The following TCL1A variants were observed in gnomAD, a reference collection of about 807,000 sequenced individuals.
TCL1A encodes TCL1 family AKT coactivator A.
In TCL1A, 9 loss-of-function variants were observed where a neutral mutation model predicts 16.9. The observed-to-expected ratio is 0.53, with a 90% CI of 0.32 to 0.93. TCL1A has a LOEUF of 0.93. Among genes scored for constraint, TCL1A ranks in the 40% least tolerant of loss-of-function variants. The probability of loss-of-function intolerance (pLI) is 0.04; values close to 1 mark genes in which losing one functional copy is unlikely to be tolerated. For missense variants in TCL1A, 139 were observed against 153.0 expected (o/e 0.91, Z 0.48); for synonymous variants, 69 against 63.2 (o/e 1.09, Z -0.44).
rs766302311 is a variant in TCL1A, at chr14:95,714,115, G to A, written c.-49C>T. On this transcript the variant is annotated 5_prime_UTR_variant, in exon 1 of 4. Transcript: ENST00000402399. ...GCAAGAGCCAGAGCCTCTCAAGGCCGCTCGCTGGTCCCTGGGATGTGGGGC... is the reference window on the plus strand; with the variant it reads ...GCAAGAGCCAGAGCCTCTCAAGGCCACTCGCTGGTCCCTGGGATGTGGGGC... 2.5e-6 allele frequency: 4 copies of A among 1,603,766 alleles called. No homozygotes were observed. Among genetic ancestry groups the A allele is most frequent in the Non-Finnish European group, 2.5e-6 (3 of 1,176,752 alleles).
chr14:95,712,124 G>C, intron 2 of TCL1A, 96 bp downstream of exon 2: 1 of 1,428,674 alleles, frequency 7.0e-7, no homozygotes, highest in African/African-American at 1.4e-5. Flanking sequence ...TAATGCTTTT[G>C]GGACTGGGAT....
rs1886330217 is a variant in TCL1A at position 95,710,893 on chromosome 14, CA to C, written c.*7-13del. ...GGTGCTGCCAAGACCTGGAGAAGGA[CA>C]AAAGAAGACAGAATCAAGGGTGAAG... On this transcript the variant is annotated splice_polypyrimidine_tract_variant and intron_variant, in intron 3 of 3. Transcript: ENST00000402399. The C allele has an allele frequency of 6.5e-6, 1 of 152,954 alleles. No individual in the cohort carries two copies. The highest frequency in any genetic ancestry group is 2.4e-5 in the African/African-American group (1 of 41,450). 9.5% of individuals were successfully genotyped at this position (152,954 alleles called of 1,614,324 possible). A position where few individuals can be genotyped will look rare whatever the true frequency, so the allele number is the denominator to read the frequency against.
Position 95,714,024 on chromosome 14 carries a change from G to A in TCL1A, c.43C>T (p.Pro15Ser). 1 of 1,614,120 alleles carries A rather than the reference G, an allele frequency of 6.2e-7. No homozygotes were observed. The highest frequency in any genetic ancestry group is 1.1e-5 in the South Asian group (1 of 91,088). The part of the protein sequence containing the change: ...PTLGEAVTDH[P>S]DRLWAWEKFV... ...TTCTCCCAGGCCCACAGGCGGTCCG[G>A]GTGGTCGGTGACTGCCTCCCCGAGT... Residue 15 changes from proline to serine, a missense_variant, in exon 1 of 4, where the codon CCG becomes TCG. Around this residue, in one of 2 missense-constraint regions of TCL1A, gnomAD observed 94 missense variants for 80.2 expected, o/e 1.17. Coordinates refer to ENST00000402399, the MANE Select transcript of TCL1A (RefSeq NM_021966.3).
At chr14:95,712,591 G>A (rs1886388990) in intron 1 of TCL1A, 195 bp from the exon 2 acceptor site, 3 of 1,485,254 alleles carry the variant, frequency 2.0e-6, no homozygotes, top group East Asian at 2.6e-5. Context: ...ACTCTGGCTG[G>A]GCCAGGACCA....
chr14:95,712,512 A>AGTGTG, intron 1 of TCL1A, 116 bp from the exon 2 acceptor site: 1 of 1,498,550 alleles, frequency 6.7e-7, no homozygotes. Flanking sequence ...CAGGGGTCCG[A>AGTGTG]GTGTGAAATG....
intron 3 of TCL1A, 27 bp downstream of exon 3, chr14:95,711,720 AAG>A (rs1383315604): frequency 1.2e-6 from 2 of 1,611,414 alleles, no homozygotes; most frequent in East Asian, 4.5e-5. Context: ...ACTGTGGACT[AAG>A]AGGGGTCAGG....
rs766277282 is a variant in TCL1A, at chr14:95,712,651, C to CT, written c.121-256dup. The stretch of plus-strand genomic sequence containing the variant: ...CCCAGACAGGGCCATGAAAGGCACA[C>CT]TTTTTTCTGGCGGGTTGCAGCGGCT... On this transcript the variant is annotated intron_variant, in intron 1 of 3. Transcript: ENST00000402399. 10 of 1,447,146 alleles carry CT rather than the reference C, an allele frequency of 6.9e-6. No homozygotes were observed. The South Asian group carries it at 9.7e-5, about 14-fold the overall frequency. 89.6% of individuals were successfully genotyped at this position (1,447,146 alleles called of 1,614,324 possible). A position where few individuals can be genotyped will look rare whatever the true frequency, so the allele number is the denominator to read the frequency against.
At chr14:95,713,295 G>A (rs1014442721) in intron 1 of TCL1A, among the ~76,000 whole-genome samples, 6 of 152,150 alleles carry the variant, frequency 3.9e-5, no homozygotes, top group African/African-American at 1.4e-4. Context: ...TTTGGAGAGA[G>A]TTTGAACATT....
At position 95,714,112 on chromosome 14, in the gene TCL1A, G is replaced by A. The variant is rs762960464; in HGVS notation, c.-46C>T. The A allele has an allele frequency of 5.0e-6, 8 of 1,605,852 alleles. No homozygotes were observed. Among genetic ancestry groups the A allele is most frequent in the Non-Finnish European group, 6.8e-6 (8 of 1,177,648 alleles). ...GAAGCAAGAGCCAGAGCCTCTCAAG[G>A]CCGCTCGCTGGTCCCTGGGATGTGG... On this transcript the variant is annotated 5_prime_UTR_variant, in exon 1 of 4. Coordinates refer to ENST00000402399, the MANE Select transcript of TCL1A (RefSeq NM_021966.3).
chr14:95,711,341 C>A, intron 3 of TCL1A: 2 of 152,196 alleles, frequency 1.3e-5, no homozygotes, highest in Non-Finnish European at 2.9e-5. Context: ...TGGTGGCGGG[C>A]GCCTGTAGTC....
rs1215980539 is a variant in TCL1A, at chr14:95,710,074, A to C, written c.*814T>G. On this transcript the variant is annotated 3_prime_UTR_variant, in exon 4 of 4. Transcript: ENST00000402399. ...CACGAAGTTAGATAAACTATCTTGC[A>C]TTTAATCAATCATTACAAAAAGTAT... 1 of 152,250 alleles carries C rather than the reference A, an allele frequency of 6.6e-6. No homozygotes were observed. The highest frequency in any genetic ancestry group is 1.5e-5 in the Non-Finnish European group (1 of 68,044). 9.4% of individuals were successfully genotyped at this position (152,250 alleles called of 1,614,324 possible).
At position 95,713,928 on chromosome 14, in the gene TCL1A, G is replaced by C. The variant is rs940879573; in HGVS notation, c.120+19C>G. ...GGCTGCCCCTGCTGCCTCGCCATCC[G>C]CTCCAAAGCTGGCTGTACCTCGATG... On this transcript the variant is annotated intron_variant, in intron 1 of 3. Transcript: ENST00000402399. The C allele has an allele frequency of 3.1e-6, 5 of 1,612,106 alleles. No homozygotes were observed. In the Admixed American group the frequency reaches 6.7e-5, roughly 22 times the overall value.
intron 1 of TCL1A, 82 bp from the exon 2 acceptor site, chr14:95,712,478 CT>C: frequency 2.0e-6 from 3 of 1,530,534 alleles, no homozygotes; most frequent in Non-Finnish European, 2.6e-6. Flanking sequence ...GGAATCCCTC[CT>C]GCCAGCCATC....
intron 1 of TCL1A, among the ~76,000 whole-genome samples, chr14:95,713,606 T>G (rs896923061): frequency 1.3e-5 from 2 of 152,276 alleles, no homozygotes; most frequent in African/African-American, 2.4e-5. Context: ...CTGAGATGAT[T>G]CCGATAATCG....
In TCL1A at chr14:95,714,063, C is replaced by T; in HGVS notation, c.4G>A (p.Ala2Thr). Residue 2 changes from alanine (A) to threonine (T), a missense_variant, in exon 1 of 4, where the codon GCC becomes ACC. By Grantham distance (58) the Ala-to-Thr change is moderately conservative (BLOSUM62 0). This residue lies in a region of TCL1A where 94 missense variants were observed against 80.2 expected (regional missense o/e 1.17). Coordinates refer to ENST00000402399, the MANE Select transcript of TCL1A (RefSeq NM_021966.3). ...GCCTCCCCGAGTGTCGGGCACTCGG[C>T]CATGGCGTCCTCGGGCCGCCTAAGA... MAECPTLGEAVT... is the reference protein window; with the variant it reads MTECPTLGEAVT... The T allele has an allele frequency of 6.2e-7, 1 of 1,613,670 alleles. No homozygotes were observed. Among genetic ancestry groups the T allele is most frequent in the Non-Finnish European group, 8.5e-7 (1 of 1,179,978 alleles).
At chr14:95,713,343 T>C (rs1886429547) in intron 1 of TCL1A, among the ~76,000 whole-genome samples, 2 of 152,356 alleles carry the variant, frequency 1.3e-5, no homozygotes, top group African/African-American at 2.4e-5. Context: ...CAAATACTTG[T>C]AAAAGACTTA....
intron 3 of TCL1A, among the ~76,000 whole-genome samples, chr14:95,711,256 G>C (rs1181826757): frequency 6.8e-6 from 1 of 146,300 alleles, no homozygotes; most frequent in East Asian, 2.0e-4. Flanking sequence ...TCAGGAGATC[G>C]AGACCATCCT....
chr14:95,713,139 T>C (rs2139721982), intron 1 of TCL1A, among the ~76,000 whole-genome samples: 1 of 152,350 alleles, frequency 6.6e-6, no homozygotes, highest in Admixed American at 6.5e-5. Flanking sequence ...CATTACCTAC[T>C]AGCAATCTTA....
intron 1 of TCL1A, among the ~76,000 whole-genome samples, chr14:95,713,636 T>G (rs542927682): frequency 2.0e-5 from 3 of 152,258 alleles, no homozygotes; most frequent in South Asian, 2.1e-4. Context: ...ATGAGTCACT[T>G]AGAGATACCC....
Sources: allele counts gnomAD v4.1 joint callset (sites outside exome capture counted in the v4.1 genomes callset), GRCh38; gene constraint gnomAD v4.1.1; regional missense constraint gnomAD v4.1.1; transcripts MANE v1.5; gene names NCBI Gene and HGNC (gene_info 2026-07-23, HGNC 2026-07-21).